Variants in ATG7 observed in about 807,000 individuals in gnomAD.
ATG7 encodes ubiquitin-like modifier-activating enzyme ATG7.
Under a neutral mutation model 82.4 loss-of-function variants are expected in ATG7, and 70 were observed. The ratio of observed to expected loss-of-function variants is 0.85; its 90% CI spans 0.70 to 1.04. ATG7 has a LOEUF of 1.04. Among genes scored for constraint, ATG7 ranks in the 50% least tolerant of loss-of-function variants. The pLI, the probability that ATG7 is intolerant of heterozygous loss-of-function variation, is 0.00. For synonymous variants in ATG7, 287 were observed against 313.0 expected, an observed-to-expected ratio of 0.92 and a Z score of 0.88; for missense variants, 792 against 864.3, an observed-to-expected ratio of 0.92 and a Z score of 1.05.
intron 20 of ATG7, among the ~76,000 whole-genome samples, chr3:11,554,252 C>A (rs1380702505): frequency 6.6e-6 from 1 of 152,234 alleles, no homozygotes; most frequent in Non-Finnish European, 1.5e-5. Flanking sequence ...TGTCTTTGCT[C>A]CAGGCCACCT....
intron 20 of ATG7, among the ~76,000 whole-genome samples, chr3:11,537,023 C>T (rs998986956): frequency 2.0e-5 from 3 of 152,156 alleles, no homozygotes; most frequent in African/African-American, 7.2e-5. Context: ...TTAGAATAAA[C>T]CCAGGCCCCT....
At chr3:11,546,162 ATT>A (rs36042370) in intron 20 of ATG7, among the ~76,000 whole-genome samples, 1,116 of 68,770 alleles carry the variant, frequency 0.016, 4 homozygotes, top group African/African-American at 0.048. Context: ...CCAAAACTGG[ATT>A]TTTTTTTTTT....
chr3:11,396,068 C>T (rs1400973155), intron 19 of ATG7, among the ~76,000 whole-genome samples: 2 of 150,294 alleles, frequency 1.3e-5, no homozygotes, highest in African/African-American at 4.9e-5. Context: ...TTTATTGGGT[C>T]TTCTCCAAAT....
At chr3:11,343,595 T>G (rs1954017840) in intron 13 of ATG7, among the ~76,000 whole-genome samples, 1 of 152,178 alleles carries the variant, frequency 6.6e-6, no homozygotes, top group Admixed American at 6.5e-5. Context: ...TGTGTCAGTC[T>G]TTTCCTTTGT....
rs556790973 is a variant in ATG7 at position 11,371,240 on chromosome 3, G to A, written c.1875+6506G>A. 3.3e-5 allele frequency among the ~76,000 whole-genome samples: 5 copies of A among 151,198 alleles called. No homozygotes were observed. In the South Asian group the frequency reaches 1.0e-3, roughly 32 times the overall value. Reference sequence around the variant, plus strand: ...AGGGAACATTTGTTTATTTGAAAGGGAAAAGGAAGAGAAGTAAGTGCTTTA... The same window carrying A: ...AGGGAACATTTGTTTATTTGAAAGGAAAAAGGAAGAGAAGTAAGTGCTTTA... On this transcript the variant is annotated intron_variant, in intron 18 of 20. Transcript: ENST00000693202.
At chr3:11,471,219 G>T (rs184816318) in intron 20 of ATG7, among the ~76,000 whole-genome samples, 64 of 152,226 alleles carry the variant, frequency 4.2e-4, no homozygotes, top group African/African-American at 1.5e-3. Flanking sequence ...CTTCAGCATG[G>T]CAGCGGCAGA....
chr3:11,555,852 C>T lies in ATG7; in HGVS notation c.*1009C>T, dbSNP rs1559838798. The T allele has an allele frequency of 6.6e-6, 1 of 152,280 alleles. No homozygotes were observed. 9.4% of individuals were successfully genotyped at this position (152,280 alleles called of 1,614,324 possible). A position where few individuals can be genotyped will look rare whatever the true frequency, so the allele number is the denominator to read the frequency against. On this transcript the variant is annotated 3_prime_UTR_variant, in exon 21 of 21. Coordinates refer to ENST00000693202, the MANE Select transcript of ATG7 (RefSeq NM_001349232.2). ...ATTCTTTCAGCTTTTGTCTTAGGCC[C>T]AGAATCAAAGTGAAAATTGAGTCGA... is the stretch of plus-strand genomic sequence containing the variant.
intron 20 of ATG7, among the ~76,000 whole-genome samples, chr3:11,467,494 A>C (rs1034994315): frequency 6.6e-6 from 1 of 152,162 alleles, no homozygotes; most frequent in Non-Finnish European, 1.5e-5. Flanking sequence ...CTTCTGCCTC[A>C]GCCTCCCGAG....
intron 19 of ATG7, among the ~76,000 whole-genome samples, chr3:11,400,104 G>C (rs2079685539): frequency 6.6e-6 from 1 of 152,170 alleles, no homozygotes; most frequent in Non-Finnish European, 1.5e-5. Context: ...CAGACAGGAA[G>C]GTTCACAACC....
intron 20 of ATG7, among the ~76,000 whole-genome samples, chr3:11,538,008 G>T (rs567208258): frequency 8.6e-6 from 1 of 115,994 alleles, no homozygotes; most frequent in East Asian, 1.9e-4. Flanking sequence ...CCAGGGAAAG[G>T]TGGAGGGAAG....
chr3:11,388,900 C>G (rs942989290), intron 19 of ATG7, among the ~76,000 whole-genome samples: 1 of 152,088 alleles, frequency 6.6e-6, no homozygotes, highest in African/African-American at 2.4e-5. Context: ...CATATATGGT[C>G]TTACACACAC....
Position 11,515,773 on chromosome 3 carries a change from C to T in ATG7, c.2080-39038C>T, listed in dbSNP as rs2092259581. On this transcript the variant is annotated intron_variant, in intron 20 of 20. Coordinates refer to ENST00000693202, the MANE Select transcript of ATG7 (RefSeq NM_001349232.2). Reference sequence around the variant, plus strand: ...TATTTTAAGTAAGATGGACCCTTTTCCTCAAAGAGTGTAGGTACAGTTTAA... The same window carrying T: ...TATTTTAAGTAAGATGGACCCTTTTTCTCAAAGAGTGTAGGTACAGTTTAA... 2.0e-5 allele frequency among the ~76,000 whole-genome samples: 3 copies of T among 152,118 alleles called. No individual in the cohort carries two copies. In the South Asian group the frequency reaches 6.2e-4, roughly 31 times the overall value.
chr3:11,346,609 A>T (rs1419703348), intron 13 of ATG7: 3 of 152,238 alleles, frequency 2.0e-5, no homozygotes, highest in Non-Finnish European at 4.4e-5. Context: ...AACCTATGGC[A>T]TGTTTGTAAT....
chr3:11,528,150 G>A (rs575274300), intron 20 of ATG7, among the ~76,000 whole-genome samples: 1 of 152,260 alleles, frequency 6.6e-6, no homozygotes, highest in South Asian at 2.1e-4. Flanking sequence ...TACTCTTCTG[G>A]TTTGAAAGAT....
At chr3:11,563,595 G>A in the ATG7 span, among the ~76,000 whole-genome samples, 1 of 152,212 alleles carries the variant, frequency 6.6e-6, no homozygotes, top group South Asian at 2.1e-4. Flanking sequence ...TAAATGGTGA[G>A]CGCTCGTAAA....
chr3:11,335,535 CTG>C (rs1233784803), intron 11 of ATG7, among the ~76,000 whole-genome samples: 3 of 152,190 alleles, frequency 2.0e-5, no homozygotes, highest in Admixed American at 6.5e-5. Flanking sequence ...TGGGTCTGGT[CTG>C]TGTGTCTGAC....
chr3:11,344,846 G>A (rs972903430), intron 13 of ATG7, among the ~76,000 whole-genome samples: 8 of 152,136 alleles, frequency 5.3e-5, no homozygotes, highest in South Asian at 2.1e-4. Context: ...TCCAGCCTGC[G>A]TGATAAAGCA....
chr3:11,394,896 CAAG>C (rs1470738580), intron 19 of ATG7, among the ~76,000 whole-genome samples: 10 of 151,984 alleles, frequency 6.6e-5, no homozygotes, highest in African/African-American at 2.4e-4. Flanking sequence ...ACCAGGCACA[CAAG>C]AAGAGAAGGT....
chr3:11,495,928 G>A (rs545086288), intron 20 of ATG7, among the ~76,000 whole-genome samples: 2 of 152,266 alleles, frequency 1.3e-5, no homozygotes, highest in South Asian at 4.1e-4. Flanking sequence ...TGCACCGTAA[G>A]GACTTATACT....
Sources: allele counts gnomAD v4.1 joint callset (sites outside exome capture counted in the v4.1 genomes callset), GRCh38; gene constraint gnomAD v4.1.1; transcripts MANE v1.5; gene names NCBI Gene and HGNC (gene_info 2026-07-23, HGNC 2026-07-21).